ZNF385D: variants seen among roughly 807,000 people sequenced by gnomAD.
The protein encoded by ZNF385D is zinc finger protein 659.
A neutral mutation model predicts 35.8 loss-of-function variants in ZNF385D; 15 were observed. The observed-to-expected ratio is 0.42, with a 90% CI of 0.28 to 0.64. The LOEUF is 0.64. Ranked by LOEUF, ZNF385D falls within the 30% of genes least tolerant of loss-of-function variation. The pLI is 0.23. For missense variants in ZNF385D, 474 were observed against 494.6 expected, an observed-to-expected ratio of 0.96 and a Z score of 0.39; for synonymous variants, 212 against 186.8, an observed-to-expected ratio of 1.13 and a Z score of -1.10.
At chr3:21,549,038 G>A (rs1201544718) in intron 3 of ZNF385D, among the ~76,000 whole-genome samples, 1 of 152,134 alleles carries the variant, frequency 6.6e-6, no homozygotes, top group African/African-American at 2.4e-5. Context: ...GTTTATTGGA[G>A]GTTATGAATG....
At chr3:21,949,878 A>G (rs187373502) in intron 3 of ZNF385D, among the ~76,000 whole-genome samples, 206 of 152,220 alleles carry the variant, frequency 1.4e-3, no homozygotes, top group Middle Eastern at 6.9e-3. Context: ...CCTGCAAAAG[A>G]CATGAACTCA....
intron 1 of ZNF385D, among the ~76,000 whole-genome samples, chr3:21,745,600 C>G (rs545967352): frequency 5.9e-5 from 9 of 152,274 alleles, no homozygotes; most frequent in Non-Finnish European, 8.8e-5. Flanking sequence ...TTAATGCCAC[C>G]AATCATGTGT....
intron 3 of ZNF385D, among the ~76,000 whole-genome samples, chr3:21,952,380 C>T (rs575797276): frequency 6.6e-6 from 1 of 152,014 alleles, no homozygotes; most frequent in East Asian, 1.9e-4. Context: ...TAATAAAAGG[C>T]CTCATTAGGA....
intron 3 of ZNF385D, among the ~76,000 whole-genome samples, chr3:22,139,189 T>C (rs1355242305): frequency 6.6e-6 from 1 of 152,130 alleles, no homozygotes; most frequent in Non-Finnish European, 1.5e-5. Context: ...AGTTCAACCA[T>C]TGTGGAAGTC....
intron 3 of ZNF385D, among the ~76,000 whole-genome samples, chr3:22,122,328 T>G (rs1312279172): frequency 1.3e-5 from 2 of 151,882 alleles, no homozygotes; most frequent in African/African-American, 4.8e-5. Context: ...TAAAAAATTG[T>G]TTTTTTTCCA....
intron 2 of ZNF385D, among the ~76,000 whole-genome samples, chr3:22,249,166 T>C (rs1699940001): frequency 6.6e-6 from 1 of 152,152 alleles, no homozygotes; most frequent in African/African-American, 2.4e-5. Flanking sequence ...CTAAATCCCA[T>C]ACCTGAATAG....
chr3:21,550,929 C>A (rs558478210), intron 3 of ZNF385D, among the ~76,000 whole-genome samples: 1 of 152,202 alleles, frequency 6.6e-6, no homozygotes, highest in African/African-American at 2.4e-5. Context: ...AGTTCCCCAA[C>A]ATAATGAATG....
At chr3:22,106,293 A>C (rs1304629306) in intron 3 of ZNF385D, among the ~76,000 whole-genome samples, 2 of 152,128 alleles carry the variant, frequency 1.3e-5, no homozygotes, top group East Asian at 3.9e-4. Flanking sequence ...TCTATTCTAC[A>C]CAACACTTGG....
At chr3:21,719,346 G>A (rs1363964575) in intron 1 of ZNF385D, among the ~76,000 whole-genome samples, 2 of 152,236 alleles carry the variant, frequency 1.3e-5, no homozygotes, top group East Asian at 3.8e-4. Context: ...GGCAGAATAA[G>A]TAGTCAAGGA....
chr3:22,155,607 G>C (rs1160898630), intron 3 of ZNF385D, among the ~76,000 whole-genome samples: 1 of 151,988 alleles, frequency 6.6e-6, no homozygotes, highest in Non-Finnish European at 1.5e-5. Flanking sequence ...ACACATATTA[G>C]CTTATTCTGA....
chr3:22,258,690 A>G (rs1274798688), intron 2 of ZNF385D, among the ~76,000 whole-genome samples: 1 of 151,798 alleles, frequency 6.6e-6, no homozygotes, highest in African/African-American at 2.4e-5. Context: ...TGTGGGTTAT[A>G]TCTATTGCTA....
intron 3 of ZNF385D, among the ~76,000 whole-genome samples, chr3:21,917,076 G>C (rs1200296955): frequency 6.6e-6 from 1 of 152,126 alleles, no homozygotes; most frequent in Non-Finnish European, 1.5e-5. Context: ...ATTAAATAGA[G>C]TCCATTAAAG....
chr3:22,195,023 T>G (rs1244226465), intron 2 of ZNF385D, among the ~76,000 whole-genome samples: 1 of 151,898 alleles, frequency 6.6e-6, no homozygotes, highest in Non-Finnish European at 1.5e-5. Context: ...ATTATATGCT[T>G]AACTTTATAA....
At chr3:22,077,100 A>T (rs1425493573) in intron 3 of ZNF385D, among the ~76,000 whole-genome samples, 1 of 152,090 alleles carries the variant, frequency 6.6e-6, no homozygotes, top group East Asian at 1.9e-4. Flanking sequence ...GAAAATTAAA[A>T]ATATATATAA....
At chr3:21,651,287 CAAAAAAAAA>C (rs71044931) in intron 2 of ZNF385D, among the ~76,000 whole-genome samples, 2 of 80,116 alleles carry the variant, frequency 2.5e-5, no homozygotes, top group African/African-American at 5.2e-5. Context: ...GACTTCATCT[CAAAAAAAAA>C]AAAAAAAAAA....
chr3:21,458,569 A>G (rs445587), intron 4 of ZNF385D, among the ~76,000 whole-genome samples: 25,914 of 151,966 alleles, frequency 0.17, 2,407 homozygotes, highest in Non-Finnish European at 0.2. Context: ...TGATGAAAGG[A>G]TAAATAAAAT....
chr3:21,929,866 A>C (rs957804431), intron 3 of ZNF385D, among the ~76,000 whole-genome samples: 1 of 152,090 alleles, frequency 6.6e-6, no homozygotes, highest in Non-Finnish European at 1.5e-5. Context: ...TTAAGATGGC[A>C]ATACTATCCC....
intron 2 of ZNF385D, among the ~76,000 whole-genome samples, chr3:22,309,882 T>C (rs956722606): frequency 6.6e-6 from 1 of 151,974 alleles, no homozygotes; most frequent in Non-Finnish European, 1.5e-5. Context: ...GGATGGAATT[T>C]TGTGTGCCCA....
At chr3:22,103,036 T>A (rs1702024799) in intron 3 of ZNF385D, among the ~76,000 whole-genome samples, 1 of 151,302 alleles carries the variant, frequency 6.6e-6, no homozygotes, top group South Asian at 2.1e-4. Context: ...TGCTGCTGGC[T>A]TTTATGCAAC....
Sources: allele counts gnomAD v4.1 joint callset (sites outside exome capture counted in the v4.1 genomes callset), GRCh38; gene constraint gnomAD v4.1.1; transcripts MANE v1.5; gene names NCBI Gene and HGNC (gene_info 2026-07-23, HGNC 2026-07-21).